Variants in EYS observed in about 807,000 individuals in gnomAD.
The protein encoded by EYS is protein eyes shut homolog.
A neutral mutation model predicts 282.1 loss-of-function variants in EYS; 250 were observed. The ratio of observed to expected loss-of-function variants is 0.89; its 90% confidence interval spans 0.80 to 0.98. The LOEUF (loss-of-function observed/expected upper bound fraction) is 0.98, where lower values mean the gene tolerates loss of function less well. Among genes scored for constraint, EYS ranks in the 50% least tolerant of loss-of-function variants. The pLI is 0.00. For synonymous variants in EYS, 1,355 were observed against 1,282.9 expected, an observed-to-expected ratio of 1.06 and a Z score of -1.20; for missense variants, 4,016 against 3,709.0, an observed-to-expected ratio of 1.08 and a Z score of -2.15.
chr6:64,021,314 G>T (rs1358861025), intron 33 of EYS, among the ~76,000 whole-genome samples: 1 of 151,952 alleles, frequency 6.6e-6, no homozygotes, highest in Non-Finnish European at 1.5e-5. Flanking sequence ...AGGCAGTAGT[G>T]CTAGACTGGG....
At chr6:65,501,020 T>C (rs955908801) in intron 2 of EYS, among the ~76,000 whole-genome samples, 4 of 152,016 alleles carry the variant, frequency 2.6e-5, no homozygotes, top group African/African-American at 4.8e-5. Context: ...AGGGATTAAA[T>C]TTAATATGTC....
chr6:65,605,586 A>AAGATAT (rs1361505760), intron 2 of EYS, among the ~76,000 whole-genome samples: 1 of 151,934 alleles, frequency 6.6e-6, no homozygotes, highest in Non-Finnish European at 1.5e-5. Flanking sequence ...ACTGGATGCA[A>AAGATAT]AGATATATAT....
chr6:63,781,288 A>G (rs977953378), intron 39 of EYS, among the ~76,000 whole-genome samples: 3 of 152,184 alleles, frequency 2.0e-5, no homozygotes, highest in Non-Finnish European at 4.4e-5. Flanking sequence ...TTGTGAAGAA[A>G]GTCATTGGTA....
intron 14 of EYS, among the ~76,000 whole-genome samples, chr6:64,960,190 A>G (rs1769865437): frequency 6.6e-6 from 1 of 152,154 alleles, no homozygotes; most frequent in South Asian, 2.1e-4. Context: ...GTTAACAAAT[A>G]TTTATAATGA....
chr6:65,440,874 A>G (rs982914938), intron 5 of EYS, among the ~76,000 whole-genome samples: 2 of 147,244 alleles, frequency 1.4e-5, no homozygotes, highest in African/African-American at 4.9e-5. Flanking sequence ...TTTATATTAT[A>G]TATTTATATT....
chr6:65,329,393 T>C (rs1769714807), intron 11 of EYS: 11 of 895,896 alleles, frequency 1.2e-5, no homozygotes, highest in Non-Finnish European at 1.5e-5. Flanking sequence ...ATCATTTTAC[T>C]ATAAGGATTT....
intron 15 of EYS, among the ~76,000 whole-genome samples, chr6:64,941,605 C>T (rs1014662935): frequency 1.3e-5 from 2 of 151,960 alleles, no homozygotes; most frequent in Non-Finnish European, 2.9e-5. Context: ...CCCATACTTA[C>T]CTCCTTCCCT....
intron 33 of EYS, among the ~76,000 whole-genome samples, chr6:64,029,104 T>C (rs545026042): frequency 6.6e-6 from 1 of 152,264 alleles, no homozygotes; most frequent in South Asian, 2.1e-4. Context: ...ACTCATCTAG[T>C]AGAATGGGAA....
intron 29 of EYS, 28 bp downstream of exon 29, chr6:64,388,662 T>G (rs1561965077): frequency 7.0e-7 from 1 of 1,421,016 alleles, no homozygotes; most frequent in East Asian, 2.6e-5. Context: ...TTTCAATAAT[T>G]AATATTTTAA....
chr6:65,387,744 C>T (rs1481847796), intron 7 of EYS, among the ~76,000 whole-genome samples: 1 of 151,926 alleles, frequency 6.6e-6, no homozygotes, highest in Admixed American at 6.6e-5. Flanking sequence ...ATACTCTCAT[C>T]ACTTGTTTGT....
intron 33 of EYS, among the ~76,000 whole-genome samples, chr6:64,057,418 GTT>G (rs1343141592): frequency 6.8e-6 from 1 of 147,594 alleles, no homozygotes; most frequent in African/African-American, 2.5e-5. Context: ...TCTCAAATGT[GTT>G]TTTATTAACA....
chr6:64,286,439 T>C (rs1768503559), intron 30 of EYS, among the ~76,000 whole-genome samples: 1 of 152,190 alleles, frequency 6.6e-6, no homozygotes, highest in Non-Finnish European at 1.5e-5. Context: ...GTTAGTTAAA[T>C]ATAAATATAC....
At chr6:64,232,580 G>A (rs550125131) in intron 30 of EYS, among the ~76,000 whole-genome samples, 6 of 152,068 alleles carry the variant, frequency 3.9e-5, no homozygotes, top group South Asian at 2.1e-4. Context: ...CAGTATAGAC[G>A]GGGTTTCCCC....
chr6:65,544,832 G>T (rs930794534), intron 2 of EYS, among the ~76,000 whole-genome samples: 2 of 152,000 alleles, frequency 1.3e-5, no homozygotes, highest in Admixed American at 6.6e-5. Flanking sequence ...TGAGGCAAAA[G>T]AATAACTAAC....
At chr6:65,362,943 C>A (rs1462036262) in intron 8 of EYS, among the ~76,000 whole-genome samples, 1 of 151,884 alleles carries the variant, frequency 6.6e-6, no homozygotes, top group Non-Finnish European at 1.5e-5. Context: ...ATGAAATCAC[C>A]CTTTTCTTTT....
chr6:65,177,889 C>T (rs1765266822), intron 12 of EYS, among the ~76,000 whole-genome samples: 1 of 151,836 alleles, frequency 6.6e-6, no homozygotes, highest in Non-Finnish European at 1.5e-5. Context: ...ATGTATAGCA[C>T]CAGCAACAAT....
At chr6:64,949,824 GC>G (rs1769422969) in intron 14 of EYS, among the ~76,000 whole-genome samples, 1 of 151,812 alleles carries the variant, frequency 6.6e-6, no homozygotes, top group African/African-American at 2.4e-5. Context: ...AGCCTCAGGT[GC>G]CTTCATATGT....
chr6:65,391,278 C>T (rs2150356432), intron 7 of EYS, among the ~76,000 whole-genome samples: 1 of 152,138 alleles, frequency 6.6e-6, no homozygotes, highest in East Asian at 1.9e-4. Flanking sequence ...AAAAGCTACT[C>T]TTGATGAGAA....
intron 22 of EYS, among the ~76,000 whole-genome samples, chr6:64,743,970 A>G (rs977433659): frequency 2.0e-5 from 3 of 152,142 alleles, no homozygotes; most frequent in African/African-American, 7.2e-5. Context: ...TATTTCTAGA[A>G]TAATTCTATA....
Sources: gnomAD v4.1 joint callset for allele counts (sites outside exome capture counted in the v4.1 genomes callset) on GRCh38, gnomAD v4.1.1 for gene constraint, MANE v1.5 for transcripts, NCBI Gene and HGNC (gene_info 2026-07-23, HGNC 2026-07-21) for gene names.